SCMH1: variants seen among roughly 807,000 people sequenced by gnomAD.
SCMH1 encodes the protein polycomb protein SCMH1.
Under a neutral mutation model 70.8 loss-of-function variants are expected in SCMH1, and 37 were observed. That is an observed-to-expected ratio of 0.52 (90% CI 0.40 to 0.69). The LOEUF is 0.69. Among genes scored for constraint, SCMH1 ranks in the 30% least tolerant of loss-of-function variants. The pLI, the probability that SCMH1 is intolerant of heterozygous loss-of-function variation, is 0.00. For synonymous variants in SCMH1, 292 were observed against 307.4 expected (o/e 0.95, Z 0.52); for missense variants, 607 against 827.3 (o/e 0.73, Z 3.27).
intron 1 of SCMH1, among the ~76,000 whole-genome samples, chr1:41,204,190 G>C (rs565257378): frequency 6.6e-6 from 1 of 152,254 alleles, no homozygotes; most frequent in South Asian, 2.1e-4. Flanking sequence ...ATGGAATTTG[G>C]CCAAATTTCT....
At chr1:41,163,995 T>C (rs1572755592) in intron 2 of SCMH1, among the ~76,000 whole-genome samples, 1 of 152,170 alleles carries the variant, frequency 6.6e-6, no homozygotes, top group East Asian at 1.9e-4. Context: ...TTTTCCTTGG[T>C]TGAAAATTTA....
chr1:41,100,358 C>T (rs561185417), intron 8 of SCMH1, among the ~76,000 whole-genome samples: 3 of 152,122 alleles, frequency 2.0e-5, no homozygotes, highest in African/African-American at 4.8e-5. Context: ...ACCATTTCTA[C>T]CCCCTAGGCA....
In SCMH1 at chr1:41,033,979, A is replaced by G. The variant is rs935743971; in HGVS notation, c.1678+3383T>C. 5 of 1,614,026 alleles carry G rather than the reference A, an allele frequency of 3.1e-6. No homozygotes were observed. The highest frequency in any genetic ancestry group is 4.2e-6 in the Non-Finnish European group (5 of 1,179,910). On this transcript the variant is annotated intron_variant, in intron 13 of 14. Transcript: ENST00000337495. ...GATAAAAATAACAGTAACTCCCCTC[A>G]TACCTGGGGAACGATTTAGTTTCCA...
chr1:41,111,086 G>T (rs770487815), intron 8 of SCMH1, among the ~76,000 whole-genome samples: 1 of 152,158 alleles, frequency 6.6e-6, no homozygotes, highest in Non-Finnish European at 1.5e-5. Flanking sequence ...ATGTTATCTG[G>T]AGAAATATCT....
At chr1:41,198,146 T>C (rs929292865) in intron 1 of SCMH1, among the ~76,000 whole-genome samples, 1 of 152,206 alleles carries the variant, frequency 6.6e-6, no homozygotes, top group Admixed American at 6.5e-5. Flanking sequence ...GTGTCTGATA[T>C]ATAGAGGGTG....
chr1:41,166,302 CAAGA>C (rs1646404105), intron 2 of SCMH1, among the ~76,000 whole-genome samples: 1 of 152,000 alleles, frequency 6.6e-6, no homozygotes, highest in Non-Finnish European at 1.5e-5. Context: ...TCTTTTTGGT[CAAGA>C]TTGTTTGGCT....
At chr1:41,143,795 T>A (rs1313866776) in intron 5 of SCMH1, among the ~76,000 whole-genome samples, 1 of 152,214 alleles carries the variant, frequency 6.6e-6, no homozygotes, top group Non-Finnish European at 1.5e-5. Flanking sequence ...CTACTTTCTA[T>A]CACTGTAGAT....
At chr1:41,204,691 G>T (rs1412797894) in intron 1 of SCMH1, among the ~76,000 whole-genome samples, 1 of 152,132 alleles carries the variant, frequency 6.6e-6, no homozygotes, top group African/African-American at 2.4e-5. Context: ...TCAAACTAAA[G>T]TAGTCACCTA....
At chr1:41,209,904 A>G (rs991482390) in intron 1 of SCMH1, among the ~76,000 whole-genome samples, 1 of 152,232 alleles carries the variant, frequency 6.6e-6, no homozygotes, top group Non-Finnish European at 1.5e-5. Context: ...TTCAATTAGG[A>G]AAAGAGGAAG....
chr1:41,122,286 C>A lies in SCMH1; in HGVS notation c.413-5276G>T, dbSNP rs142043230. 2.6e-5 allele frequency among the ~76,000 whole-genome samples: 4 copies of A among 152,240 alleles called. No homozygotes were observed. The East Asian group carries it at 7.7e-4, about 29-fold the overall frequency. ...ATTGGTCTTTCTGTTCTCAAATATACCAAGCTGTTTCCCTCTGCCTCAAAC... is the reference window on the plus strand; with the variant it reads ...ATTGGTCTTTCTGTTCTCAAATATAACAAGCTGTTTCCCTCTGCCTCAAAC... On this transcript the variant is annotated intron_variant, in intron 6 of 14. Coordinates refer to ENST00000337495, the Ensembl canonical transcript of SCMH1.
chr1:41,135,673 T>G (rs1399704147), intron 6 of SCMH1, among the ~76,000 whole-genome samples: 1 of 152,224 alleles, frequency 6.6e-6, no homozygotes, highest in African/African-American at 2.4e-5. Context: ...CCTTTTAAGT[T>G]ACAATTAAAT....
intron 1 of SCMH1, among the ~76,000 whole-genome samples, chr1:41,188,014 T>A (rs1238256403): frequency 6.6e-6 from 1 of 151,864 alleles, no homozygotes; most frequent in Non-Finnish European, 1.5e-5. Flanking sequence ...ATAAACAAAA[T>A]AAAATTTATG....
chr1:41,198,455 A>G (rs1376624646), intron 1 of SCMH1, among the ~76,000 whole-genome samples: 1 of 152,206 alleles, frequency 6.6e-6, no homozygotes, highest in African/African-American at 2.4e-5. Context: ...TATATCCTAC[A>G]CATTGTCTAG....
intron 8 of SCMH1, among the ~76,000 whole-genome samples, chr1:41,095,472 A>T (rs1196181165): frequency 6.6e-6 from 1 of 152,228 alleles, no homozygotes; most frequent in East Asian, 1.9e-4. Context: ...AAACTGGGAA[A>T]AAAATTAGAC....
intron 1 of SCMH1, among the ~76,000 whole-genome samples, chr1:41,188,037 T>C (rs1650724406): frequency 6.6e-6 from 1 of 152,008 alleles, no homozygotes; most frequent in Non-Finnish European, 1.5e-5. Context: ...AGTATAATCT[T>C]CTTGGAGGAT....
At chr1:41,028,162 G>A (rs1558242314) in exon 15 of SCMH1, 10 of 1,613,414 alleles carry the variant, frequency 6.2e-6, no homozygotes, top group Non-Finnish European at 8.5e-6. Flanking sequence ...CCCACCTGCT[G>A]CCACTTGGTT....
At chr1:41,075,576 T>C (rs1463416228) in intron 8 of SCMH1, 125 bp from the exon 9 acceptor site, 3 of 711,408 alleles carry the variant, frequency 4.2e-6, no homozygotes, top group African/African-American at 3.6e-5. Context: ...TTTCCTGGCA[T>C]TTGACCTAAA....
At chr1:41,084,154 C>A (rs1169105288) in intron 8 of SCMH1, among the ~76,000 whole-genome samples, 1 of 152,176 alleles carries the variant, frequency 6.6e-6, no homozygotes, top group Non-Finnish European at 1.5e-5. Context: ...AGAGCTTCTG[C>A]ACAGCAAAAG....
intron 7 of SCMH1, among the ~76,000 whole-genome samples, chr1:41,114,269 A>G (rs1012422345): frequency 2.0e-5 from 3 of 152,200 alleles, no homozygotes; most frequent in Admixed American, 1.3e-4. Flanking sequence ...GTAACATTGT[A>G]TACTTTCACC....
Sources: allele counts gnomAD v4.1 joint callset (sites outside exome capture counted in the v4.1 genomes callset), GRCh38; gene constraint gnomAD v4.1.1; transcripts MANE v1.5; gene names NCBI Gene and HGNC (gene_info 2026-07-23, HGNC 2026-07-21).